The following CEP112 variants were observed in gnomAD, a reference collection of about 807,000 sequenced individuals.
The protein encoded by CEP112 is centrosomal protein of 112 kDa.
In CEP112, 127 loss-of-function variants were observed where a neutral mutation model predicts 153.0. The observed-to-expected ratio is 0.83, with a 90% CI of 0.72 to 0.96. The LOEUF (loss-of-function observed/expected upper bound fraction) is 0.96, where lower values mean the gene tolerates loss of function less well. CEP112 is among the 40% of genes least tolerant of loss of function. CEP112 has a pLI of 0.00. For missense variants in CEP112, 1,089 were observed against 1,101.2 expected (o/e 0.99, Z 0.16); for synonymous variants, 358 against 374.4 (o/e 0.96, Z 0.51).
intron 21 of CEP112, among the ~76,000 whole-genome samples, chr17:65,767,142 A>G (rs752170447): frequency 6.6e-6 from 1 of 152,162 alleles, no homozygotes; most frequent in Non-Finnish European, 1.5e-5. Context: ...GGTGGGCCAT[A>G]AAACAAGTCT....
intron 8 of CEP112, among the ~76,000 whole-genome samples, chr17:66,081,707 G>T (rs1305901368): frequency 6.6e-6 from 1 of 151,540 alleles, no homozygotes; most frequent in African/African-American, 2.4e-5. Flanking sequence ...ACAAGGTCAG[G>T]AGTTCAAGAC....
intron 19 of CEP112, among the ~76,000 whole-genome samples, chr17:65,907,692 T>A (rs1258308993): frequency 6.6e-6 from 1 of 152,168 alleles, no homozygotes; most frequent in East Asian, 1.9e-4. Flanking sequence ...TGGGGGAATA[T>A]CTTGACGATG....
At chr17:66,067,678 C>T (rs539336375) in intron 9 of CEP112, among the ~76,000 whole-genome samples, 1 of 152,064 alleles carries the variant, frequency 6.6e-6, no homozygotes, top group South Asian at 2.1e-4. Flanking sequence ...ATTAAATATA[C>T]AAGAATAATT....
At chr17:65,898,778 T>C (rs1009590774) in intron 20 of CEP112, among the ~76,000 whole-genome samples, 1 of 152,122 alleles carries the variant, frequency 6.6e-6, no homozygotes, top group Non-Finnish European at 1.5e-5. Flanking sequence ...CCTAGGTGCC[T>C]AAATGTCTCT....
In CEP112 at chr17:65,977,686, A is replaced by G. The variant is rs1251688801; in HGVS notation, c.1737-16088T>C. Among the ~76,000 whole-genome samples, 9 of 152,186 alleles carry G rather than the reference A, an allele frequency of 5.9e-5. 1 individual carries two copies. The highest frequency in any genetic ancestry group is 5.9e-4 in the Admixed American group (9 of 15,276). On this transcript the variant is annotated intron_variant, in intron 17 of 26. Coordinates refer to ENST00000535342, the MANE Select transcript of CEP112 (RefSeq NM_001199165.4). ...CTGAGTACAGTGGCTCATGCCTATAATCCCGACACTTTGGGAAGCCGAGGT... is the reference window on the plus strand; with the variant it reads ...CTGAGTACAGTGGCTCATGCCTATAGTCCCGACACTTTGGGAAGCCGAGGT...
intron 24 of CEP112, among the ~76,000 whole-genome samples, chr17:65,660,153 T>C (rs1427970511): frequency 6.9e-6 from 1 of 144,476 alleles, no homozygotes; most frequent in East Asian, 2.2e-4. Flanking sequence ...AGGTTTCTGA[T>C]TGGAGACTAA....
chr17:65,971,488 G>T (rs1230727713), intron 17 of CEP112, among the ~76,000 whole-genome samples: 6 of 143,034 alleles, frequency 4.2e-5, no homozygotes, highest in Non-Finnish European at 7.7e-5. Flanking sequence ...TGTATGACAT[G>T]AATGTCATAC....
chr17:65,998,884 C>T (rs1314756174), intron 17 of CEP112, among the ~76,000 whole-genome samples: 1 of 152,046 alleles, frequency 6.6e-6, no homozygotes, highest in African/African-American at 2.4e-5. Context: ...ACAACCGGGT[C>T]CAGAGTCCAT....
chr17:66,159,549 T>C lies in CEP112; in HGVS notation c.470+15495A>G, dbSNP rs572043543. Among the ~76,000 whole-genome samples, 10 of 152,196 alleles carry C rather than the reference T, an allele frequency of 6.6e-5. No homozygotes were observed. The South Asian group carries it at 1.9e-3, about 28-fold the overall frequency. On this transcript the variant is annotated intron_variant, in intron 4 of 26. Transcript: ENST00000535342. ...TGGGATGCAAGGCTGGTTCAACATA[T>C]GCAAATCAATAAATGTAATCCATCA...
At chr17:66,151,444 A>T (rs891187887) in intron 4 of CEP112, among the ~76,000 whole-genome samples, 6 of 152,204 alleles carry the variant, frequency 3.9e-5, no homozygotes, top group African/African-American at 1.2e-4. Context: ...AACTCCTGGT[A>T]TGCATGCCCA....
chr17:66,077,719 G>T (rs888118506), intron 8 of CEP112, among the ~76,000 whole-genome samples: 5 of 152,132 alleles, frequency 3.3e-5, no homozygotes, highest in African/African-American at 1.2e-4. Context: ...GAACACTTGG[G>T]AAATTAATCA....
chr17:66,110,415 G>A (rs1377862038), intron 6 of CEP112, among the ~76,000 whole-genome samples: 2 of 151,870 alleles, frequency 1.3e-5, no homozygotes, highest in African/African-American at 4.8e-5. Flanking sequence ...GAACCAACTG[G>A]AAATTGGCAG....
At chr17:65,679,151 T>TTTTTTTTTTTTTG (rs2047387083) in intron 24 of CEP112, among the ~76,000 whole-genome samples, 1 of 116,266 alleles carries the variant, frequency 8.6e-6, no homozygotes, top group Admixed American at 8.6e-5. Flanking sequence ...TTTTTTTTTT[T>TTTTTTTTTTTTTG]TTTTTTTTTT....
intron 16 of CEP112, among the ~76,000 whole-genome samples, chr17:66,019,328 A>C (rs866327408): frequency 1.4e-5 from 2 of 144,756 alleles, no homozygotes; most frequent in African/African-American, 5.0e-5. Flanking sequence ...ACAACAACAA[A>C]AAAGCCCTAT....
intron 18 of CEP112, among the ~76,000 whole-genome samples, chr17:65,949,788 G>A (rs2061760951): frequency 6.6e-6 from 1 of 152,072 alleles, no homozygotes; most frequent in Non-Finnish European, 1.5e-5. Flanking sequence ...TTCATTCCTG[G>A]CTATCCTTAT....
intron 24 of CEP112, among the ~76,000 whole-genome samples, chr17:65,683,179 C>T (rs932643254): frequency 6.6e-6 from 1 of 152,196 alleles, no homozygotes; most frequent in South Asian, 2.1e-4. Flanking sequence ...CACCCTGCAA[C>T]CCCTAAACAC....
intron 2 of CEP112, among the ~76,000 whole-genome samples, chr17:66,179,852 G>A (rs1282792197): frequency 2.0e-5 from 3 of 151,994 alleles, no homozygotes; most frequent in Non-Finnish European, 4.4e-5. Context: ...ATTATGTTGA[G>A]GACTGTTACT....
chr17:65,842,704 A>C (rs530785953), intron 21 of CEP112, among the ~76,000 whole-genome samples: 1 of 152,310 alleles, frequency 6.6e-6, no homozygotes, highest in African/African-American at 2.4e-5. Flanking sequence ...TGCCTCACAT[A>C]CAAACCAGAT....
chr17:66,003,632 T>G (rs1454186963), intron 17 of CEP112, among the ~76,000 whole-genome samples: 1 of 152,216 alleles, frequency 6.6e-6, no homozygotes, highest in African/African-American at 2.4e-5. Context: ...GTCTTACTGC[T>G]ATTTAAAGCA....
Sources: allele counts gnomAD v4.1 joint callset (sites outside exome capture counted in the v4.1 genomes callset), GRCh38; gene constraint gnomAD v4.1.1; transcripts MANE v1.5; gene names NCBI Gene and HGNC (gene_info 2026-07-23, HGNC 2026-07-21).